ESR1: variants seen among roughly 807,000 people sequenced by gnomAD.
ESR1 encodes the protein estrogen receptor 1.
ESR1 carries 12 observed loss-of-function variants against 52.7 expected under a neutral mutation model. The observed-to-expected ratio is 0.23, with a 90% CI of 0.15 to 0.37. ESR1 has a LOEUF of 0.37. Ranked by LOEUF, ESR1 falls within the 10% of genes least tolerant of loss-of-function variation. The pLI is 1.00. For synonymous variants in ESR1, 305 were observed against 316.8 expected (o/e 0.96, Z 0.39); for missense variants, 584 against 779.7 (o/e 0.75, Z 2.99).
In ESR1 at chr6:152,094,795, AC is replaced by A. The variant is rs1398662862; in HGVS notation, c.1553+228del. ...AGAAGGCATAGAGGAAGCGATACTT[AC>A]GCTTGGTTTAAAGCATGTGCTTTGG... On this transcript the variant is annotated intron_variant, in intron 7 of 7. Transcript: ENST00000206249. The surrounding 1 kb of genome is among the most constrained non-coding windows in gnomAD (Gnocchi z 4.6). Among the ~76,000 whole-genome samples, 1 of 152,206 alleles carries A rather than the reference AC, an allele frequency of 6.6e-6. No individual in the cohort carries two copies. The highest frequency in any genetic ancestry group is 1.5e-5 in the Non-Finnish European group (1 of 68,044).
chr6:151,713,209 G>A (rs529823458), intron 2 of ESR1, among the ~76,000 whole-genome samples: 2 of 152,264 alleles, frequency 1.3e-5, no homozygotes, highest in South Asian at 4.1e-4. Context: ...TGGTGGACAA[G>A]CTTTTTGATG....
At chr6:151,863,648 C>T (rs1171085725) in intron 2 of ESR1, among the ~76,000 whole-genome samples, 3 of 152,134 alleles carry the variant, frequency 2.0e-5, no homozygotes, top group African/African-American at 7.2e-5. Context: ...TTTCTCCTGC[C>T]TAATTGCCCT....
At chr6:152,021,812 A>G (rs1290915565) in intron 5 of ESR1, among the ~76,000 whole-genome samples, 1 of 152,056 alleles carries the variant, frequency 6.6e-6, no homozygotes, top group African/African-American at 2.4e-5. Flanking sequence ...CTGGTAGTGA[A>G]TAAGTCTCAC....
intron 7 of ESR1, chr6:152,096,562 A>T: frequency 4.5e-6 from 2 of 447,916 alleles, no homozygotes; most frequent in Non-Finnish European, 9.1e-6. Context: ...AAATGAGGGA[A>T]TGAATGGATG....
At chr6:152,060,073 GA>G (rs1452489766) in intron 5 of ESR1, among the ~76,000 whole-genome samples, 2 of 151,872 alleles carry the variant, frequency 1.3e-5, no homozygotes, top group African/African-American at 2.4e-5. Flanking sequence ...TTGTGATAAA[GA>G]AAAAAATAAA....
At position 151,985,753 on chromosome 6, in the gene ESR1, C is replaced by T. The variant is rs375322244; in HGVS notation, c.1097-25903C>T. ...CATGTTTTCGGCTCACTGCAACCTC[C>T]GCCTCCTGCGTTCAAGCGATTCTCA... is the stretch of plus-strand genomic sequence containing the variant. On this transcript the variant is annotated intron_variant, in intron 4 of 7. Transcript: ENST00000206249. Among the ~76,000 whole-genome samples the T allele has an allele frequency of 1.6e-4, 25 of 152,110 alleles. No individual in the cohort carries two copies. The East Asian group carries it at 4.3e-3, about 26-fold the overall frequency.
chr6:152,064,745 C>A (rs1305314631), intron 6 of ESR1, among the ~76,000 whole-genome samples: 3 of 152,124 alleles, frequency 2.0e-5, no homozygotes, highest in African/African-American at 7.2e-5. Flanking sequence ...GTCTATTTAG[C>A]CTGTGGACTG....
chr6:151,718,666 A>G (rs1781232022), intron 2 of ESR1, among the ~76,000 whole-genome samples: 1 of 152,198 alleles, frequency 6.6e-6, no homozygotes, highest in African/African-American at 2.4e-5. Flanking sequence ...TTTGCTGACA[A>G]TTAGTGATGT....
intron 6 of ESR1, among the ~76,000 whole-genome samples, chr6:152,073,521 C>A (rs1327898671): frequency 6.6e-6 from 1 of 152,154 alleles, no homozygotes; most frequent in African/African-American, 2.4e-5. Flanking sequence ...TTAAAAGATG[C>A]CAGTTCGCTG....
chr6:151,810,824 C>T lies in ESR1; in HGVS notation c.452+2460C>T, dbSNP rs367834658. Among the ~76,000 whole-genome samples, 43 of 152,234 alleles carry T rather than the reference C, an allele frequency of 2.8e-4. No homozygotes were observed. The South Asian group carries it at 8.7e-3, about 31-fold the overall frequency. On this transcript the variant is annotated intron_variant, in intron 1 of 7. Transcript: ENST00000206249. ...TGAATTCAAAGAAAAAATTAGAAAG[C>T]TAATGGCCTAAAATATTATATGTTC...
chr6:151,789,030 T>C (rs1274309720), intron 2 of ESR1, among the ~76,000 whole-genome samples: 2 of 151,932 alleles, frequency 1.3e-5, no homozygotes, highest in Non-Finnish European at 2.9e-5. Flanking sequence ...GGTGATGAAA[T>C]AATCTGTACA....
At chr6:152,006,076 T>C (rs2042308622) in intron 4 of ESR1, among the ~76,000 whole-genome samples, 1 of 151,988 alleles carries the variant, frequency 6.6e-6, no homozygotes, top group Admixed American at 6.6e-5. Flanking sequence ...ATAGTCACAG[T>C]GATGGTGATG....
At chr6:151,797,782 T>C (rs1053762329) in intron 2 of ESR1, among the ~76,000 whole-genome samples, 1 of 152,252 alleles carries the variant, frequency 6.6e-6, no homozygotes, top group Non-Finnish European at 1.5e-5. Flanking sequence ...TGAATCTTCA[T>C]GCCTCTTGAG....
intron 1 of ESR1, among the ~76,000 whole-genome samples, chr6:151,838,190 T>C (rs1783696392): frequency 6.6e-6 from 1 of 152,144 alleles, no homozygotes; most frequent in Non-Finnish European, 1.5e-5. Context: ...GGTACTGTGA[T>C]GGTACAGAAA....
chr6:151,690,258 T>C (rs1428674514), upstream of ESR1, among the ~76,000 whole-genome samples: 1 of 152,178 alleles, frequency 6.6e-6, no homozygotes, highest in Non-Finnish European at 1.5e-5. Context: ...ACTTCAAGCT[T>C]TATTACGAAT....
chr6:151,886,301 C>T (rs1353395599), intron 3 of ESR1, among the ~76,000 whole-genome samples: 1 of 152,120 alleles, frequency 6.6e-6, no homozygotes, highest in Non-Finnish European at 1.5e-5. Flanking sequence ...GCAAGGTTTT[C>T]ATTGTGCAGT....
intron 1 of ESR1, among the ~76,000 whole-genome samples, chr6:151,812,357 T>C (rs1778959866): frequency 1.3e-5 from 2 of 152,200 alleles, no homozygotes; most frequent in African/African-American, 4.8e-5. Context: ...TTGTTATAAA[T>C]ATAGAATGAT....
intron 3 of ESR1, among the ~76,000 whole-genome samples, chr6:151,915,889 T>C (rs1207562631): frequency 6.6e-6 from 1 of 152,052 alleles, no homozygotes; most frequent in Non-Finnish European, 1.5e-5. Context: ...CCAGTAGTTA[T>C]GTCAGGTTGC....
rs575934271 is a variant in ESR1 at position 152,020,840 on chromosome 6, A to G, written c.1235+9046A>G. Among the ~76,000 whole-genome samples, 5 of 152,180 alleles carry G rather than the reference A, an allele frequency of 3.3e-5. No individual in the cohort carries two copies. The East Asian group carries it at 9.7e-4, about 29-fold the overall frequency. On this transcript the variant is annotated intron_variant, in intron 5 of 7. Transcript: ENST00000206249. ...ATATCTGTTTCTTTTAAAATTTGCA[A>G]TTGTTTTTATTTTTAGTGTCATGCT...
Sources: gnomAD v4.1 joint callset for allele counts (sites outside exome capture counted in the v4.1 genomes callset) on GRCh38, gnomAD v4.1.1 for gene constraint, Gnocchi (gnomAD v3.1) non-coding constraint, MANE v1.5 for transcripts, NCBI Gene and HGNC (gene_info 2026-07-23, HGNC 2026-07-21) for gene names.